SLC8A3: variants seen among roughly 807,000 people sequenced by gnomAD.
The protein encoded by SLC8A3 is solute carrier family 8 member A3, also known as sodium/calcium exchanger 3.
SLC8A3 carries 37 observed loss-of-function variants against 65.4 expected under a neutral mutation model. That is an observed-to-expected ratio of 0.57 (90% CI 0.44 to 0.74). The LOEUF is 0.74. Ranked by LOEUF, SLC8A3 falls within the 30% of genes least tolerant of loss-of-function variation. SLC8A3 has a pLI of 0.00. For synonymous variants in SLC8A3, 461 were observed against 444.5 expected (o/e 1.04, Z -0.47); for missense variants, 1,112 against 1,172.1 (o/e 0.95, Z 0.75).
At chr14:70,073,821 C>T (rs981967303) in intron 2 of SLC8A3, among the ~76,000 whole-genome samples, 3 of 152,186 alleles carry the variant, frequency 2.0e-5, no homozygotes, top group African/African-American at 2.4e-5. Context: ...GGAGCTGGCT[C>T]TTCAGGACTT....
Position 70,048,657 on chromosome 14 carries a change from C to A in SLC8A3, c.2389+110G>T, listed in dbSNP as rs747738781. ...CTTTTGTGCACTTTAAGGGCAGAGG[C>A]TCTGTTAAGTTCAGATCTGAGATGG... On this transcript the variant is annotated intron_variant, in intron 6 of 6. Coordinates refer to ENST00000356921, the MANE Select transcript of SLC8A3 (RefSeq NM_182932.3). The A allele has an allele frequency of 4.2e-6, 4 of 945,508 alleles. No homozygotes were observed. In the Admixed American group the frequency reaches 7.9e-5, roughly 19 times the overall value. The allele number at this position is 945,508 out of a possible 1,614,324, so 58.6% of individuals were successfully genotyped here.
intron 2 of SLC8A3, among the ~76,000 whole-genome samples, chr14:70,066,468 A>G (rs1212364784): frequency 2.1e-5 from 3 of 141,830 alleles, no homozygotes; most frequent in African/African-American, 8.1e-5. Context: ...CTTCCCCAGC[A>G]CAGTTAATTT....
At chr14:70,139,709 G>A (rs1895442327) in intron 2 of SLC8A3, among the ~76,000 whole-genome samples, 1 of 152,226 alleles carries the variant, frequency 6.6e-6, no homozygotes, top group South Asian at 2.1e-4. Context: ...AGTTTGGCCA[G>A]ACAGCTGCTG....
intron 3 of SLC8A3, among the ~76,000 whole-genome samples, chr14:70,053,631 C>T (rs1006529627): frequency 1.3e-5 from 2 of 152,202 alleles, no homozygotes; most frequent in Admixed American, 6.5e-5. Context: ...CTGTCTAACC[C>T]CTTGTCTACC....
intron 2 of SLC8A3, among the ~76,000 whole-genome samples, chr14:70,107,179 C>T (rs371483579): frequency 5.9e-5 from 9 of 151,940 alleles, no homozygotes; most frequent in African/African-American, 2.2e-4. Flanking sequence ...CTACATAAAA[C>T]CAAATAACCA....
intron 2 of SLC8A3, among the ~76,000 whole-genome samples, chr14:70,071,058 C>G (rs1330347376): frequency 6.6e-6 from 1 of 152,178 alleles, no homozygotes; most frequent in African/African-American, 2.4e-5. Flanking sequence ...AAGAATAGTT[C>G]TGATTGATTT....
At chr14:70,158,018 G>A (rs956726912) in intron 2 of SLC8A3, among the ~76,000 whole-genome samples, 1 of 152,316 alleles carries the variant, frequency 6.6e-6, no homozygotes, top group African/African-American at 2.4e-5. Flanking sequence ...AGACTATCTG[G>A]AGTAGGTTAA....
rs1444999052 is a variant in SLC8A3, at chr14:70,052,090, A to G, written c.1913T>C (p.Met638Thr). ...TATCCTCTTGGCCTCCTCTTCTTCC[A>G]TAGTCAGCTTCCTGTCTGTCACATC... Reference protein sequence around the residue: ...ISDVTDRKLTMEEEEAKRIAE... With the variant: ...ISDVTDRKLTTEEEEAKRIAE... The change falls in exon 4 of 7, where the codon ATG becomes ACG. Residue 638 changes from methionine (M) to threonine (T), a missense_variant. Coordinates refer to ENST00000356921, the MANE Select transcript of SLC8A3 (RefSeq NM_182932.3). 5.6e-6 allele frequency: 9 copies of G among 1,603,084 alleles called. No homozygotes were observed. In the African/African-American group the frequency reaches 6.7e-5, roughly 12 times the overall value.
chr14:70,110,599 G>T (rs1893224479), intron 2 of SLC8A3, among the ~76,000 whole-genome samples: 1 of 151,318 alleles, frequency 6.6e-6, no homozygotes, highest in African/African-American at 2.4e-5. Flanking sequence ...CTGTTGATGG[G>T]CACTTAGGTT....
intron 2 of SLC8A3, among the ~76,000 whole-genome samples, chr14:70,121,898 G>A (rs890545560): frequency 2.0e-5 from 3 of 151,996 alleles, no homozygotes; most frequent in Admixed American, 6.5e-5. Context: ...GCTGGGAATG[G>A]TCCCACAGCC....
intron 2 of SLC8A3, among the ~76,000 whole-genome samples, chr14:70,067,543 C>T (rs1259609440): frequency 6.6e-6 from 1 of 152,220 alleles, no homozygotes; most frequent in Non-Finnish European, 1.5e-5. Context: ...CGCCCTCAAA[C>T]ATAACTTGCT....
At chr14:70,115,745 G>A (rs1893610293) in intron 2 of SLC8A3, among the ~76,000 whole-genome samples, 1 of 152,136 alleles carries the variant, frequency 6.6e-6, no homozygotes, top group Admixed American at 6.5e-5. Context: ...TATTTATGCT[G>A]GACTTTTCAC....
At chr14:70,066,424 C>A (rs978833915) in intron 2 of SLC8A3, among the ~76,000 whole-genome samples, 1 of 152,122 alleles carries the variant, frequency 6.6e-6, no homozygotes, top group Admixed American at 6.5e-5. Context: ...CTGGAATCAC[C>A]CCTCATTCTT....
intron 2 of SLC8A3, among the ~76,000 whole-genome samples, chr14:70,147,743 C>T (rs75072812): frequency 6.6e-6 from 1 of 152,218 alleles, no homozygotes; most frequent in Non-Finnish European, 1.5e-5. Flanking sequence ...TCCACACCCC[C>T]ACCCCCATGC....
chr14:70,162,630 T>C (rs1336643885), intron 2 of SLC8A3, among the ~76,000 whole-genome samples: 4 of 152,292 alleles, frequency 2.6e-5, no homozygotes, highest in South Asian at 4.1e-4. Flanking sequence ...GCCTGGGATA[T>C]AGGAGCCAGT....
intron 2 of SLC8A3, among the ~76,000 whole-genome samples, chr14:70,087,027 T>C (rs1171070701): frequency 1.3e-5 from 2 of 152,362 alleles, no homozygotes; most frequent in African/African-American, 2.4e-5. Context: ...GGCAGGCTGC[T>C]GCTGATGTCA....
At chr14:70,107,053 G>A (rs1424676674) in intron 2 of SLC8A3, among the ~76,000 whole-genome samples, 1 of 152,190 alleles carries the variant, frequency 6.6e-6, no homozygotes, top group African/African-American at 2.4e-5. Context: ...AGAGGGGTAA[G>A]AGTAACAAAG....
In SLC8A3 at chr14:70,167,646, T is replaced by C. The variant is rs773093906; in HGVS notation, c.777A>G (p.Lys259=). ...CTGTGCGGTACTTTTTGTGCATGTATTTGTAGAAGAGCAGTCGTTTATCTG... is the reference window on the plus strand; with the variant it reads ...CTGTGCGGTACTTTTTGTGCATGTACTTGTAGAAGAGCAGTCGTTTATCTG... ...WVADKRLLFY[K]YMHKKYRTDK... is the part of the protein sequence containing the mutation. Residue 259 remains lysine (K), a synonymous_variant, in exon 2 of 7, where the codon AAA becomes AAG. Transcript: ENST00000356921. The C allele has an allele frequency of 3.1e-6, 5 of 1,614,036 alleles. No individual in the cohort carries two copies. In the East Asian group the frequency reaches 6.7e-5, roughly 22 times the overall value.
intron 2 of SLC8A3, among the ~76,000 whole-genome samples, chr14:70,108,198 C>T (rs1893006021): frequency 6.6e-6 from 1 of 152,126 alleles, no homozygotes; most frequent in South Asian, 2.1e-4. Context: ...CAAGTTGTCT[C>T]CAGCCACTGA....
Sources: allele counts gnomAD v4.1 joint callset (sites outside exome capture counted in the v4.1 genomes callset), GRCh38; gene constraint gnomAD v4.1.1; transcripts MANE v1.5; gene names NCBI Gene and HGNC (gene_info 2026-07-23, HGNC 2026-07-21).